Variants in STX8 observed in about 807,000 individuals in gnomAD.
STX8 encodes syntaxin 8, also known as syntaxin-8.
STX8 carries 23 observed loss-of-function variants against 37.5 expected under a neutral mutation model. The observed-to-expected ratio is 0.61, with a 90% CI of 0.44 to 0.87. STX8 has a LOEUF of 0.87. Ranked by LOEUF, STX8 falls within the 40% of genes least tolerant of loss-of-function variation. The pLI is 0.00. For synonymous variants in STX8, 115 were observed against 99.1 expected, an observed-to-expected ratio of 1.16 and a Z score of -0.95; for missense variants, 313 against 284.7, an observed-to-expected ratio of 1.10 and a Z score of -0.71.
chr17:9,386,104 CAAAAA>C (rs57683285), intron 6 of STX8, among the ~76,000 whole-genome samples: 8,728 of 118,598 alleles, frequency 0.074, 323 homozygotes, highest in East Asian at 0.12. Flanking sequence ...GCCTATTTCT[CAAAAA>C]AAAAAAAAAA....
At chr17:9,439,226 T>C (rs1649657975) in intron 6 of STX8, among the ~76,000 whole-genome samples, 1 of 152,174 alleles carries the variant, frequency 6.6e-6, no homozygotes, top group South Asian at 2.1e-4. Context: ...CAATTCTAGA[T>C]AAGGTATTCC....
intron 4 of STX8, among the ~76,000 whole-genome samples, chr17:9,521,183 C>T (rs1010851516): frequency 4.6e-5 from 7 of 152,054 alleles, no homozygotes; most frequent in African/African-American, 1.4e-4. Context: ...CTGGATTACA[C>T]GGAAGAGAGG....
At position 9,534,566 on chromosome 17, in the gene STX8, G is replaced by A. The variant is rs182582005; in HGVS notation, c.323+10606C>T. Among the ~76,000 whole-genome samples the A allele has an allele frequency of 2.4e-3, 371 of 152,208 alleles. 1 individual carries two copies. The highest frequency in any genetic ancestry group is 3.4e-3 in the Non-Finnish European group (230 of 68,014). The stretch of plus-strand genomic sequence containing the variant: ...AGCACTTTGGGAGGCCGAGCTAGGC[G>A]GATCATGAGGTCAAGAGATTGAGAC... On this transcript the variant is annotated intron_variant, in intron 4 of 7. Coordinates refer to ENST00000306357, the MANE Select transcript of STX8 (RefSeq NM_004853.3).
chr17:9,262,233 C>T (rs1907064002), intron 7 of STX8, among the ~76,000 whole-genome samples: 1 of 152,216 alleles, frequency 6.6e-6, no homozygotes, highest in Non-Finnish European at 1.5e-5. Flanking sequence ...ATCGAAACAA[C>T]ATATTCCTGG....
chr17:9,397,777 G>A (rs971258408), intron 6 of STX8, among the ~76,000 whole-genome samples: 2 of 151,992 alleles, frequency 1.3e-5, no homozygotes, highest in Admixed American at 1.3e-4. Flanking sequence ...TTCAAGACCA[G>A]CCTGGTCAAC....
intron 7 of STX8, among the ~76,000 whole-genome samples, chr17:9,254,790 C>T (rs1484288028): frequency 2.0e-5 from 3 of 152,156 alleles, no homozygotes; most frequent in Admixed American, 6.5e-5. Context: ...ACCGCCATAT[C>T]CCCCGTACCT....
chr17:9,363,020 G>A (rs920944010), intron 7 of STX8, among the ~76,000 whole-genome samples: 1 of 152,086 alleles, frequency 6.6e-6, no homozygotes, highest in African/African-American at 2.4e-5. Context: ...TGATAGGAGA[G>A]GATCAGCAAA....
intron 6 of STX8, among the ~76,000 whole-genome samples, chr17:9,461,756 T>C (rs1266107827): frequency 1.3e-5 from 2 of 151,906 alleles, no homozygotes; most frequent in Non-Finnish European, 2.9e-5. Flanking sequence ...TTATTATTAT[T>C]ATAATATATA....
intron 5 of STX8, among the ~76,000 whole-genome samples, chr17:9,499,729 A>G (rs775467079): frequency 2.0e-5 from 3 of 152,138 alleles, no homozygotes; most frequent in African/African-American, 4.8e-5. Flanking sequence ...CAAAGGTAAG[A>G]GCAGTGGAGA....
chr17:9,433,074 G>T (rs1004900175), intron 6 of STX8, among the ~76,000 whole-genome samples: 4 of 152,210 alleles, frequency 2.6e-5, no homozygotes, highest in African/African-American at 9.6e-5. Flanking sequence ...TGTGAAAATA[G>T]TTCTAGTCCT....
At chr17:9,414,737 C>T (rs967615002) in intron 6 of STX8, among the ~76,000 whole-genome samples, 6 of 150,408 alleles carry the variant, frequency 4.0e-5, no homozygotes, top group African/African-American at 1.5e-4. Flanking sequence ...TCACAAAACA[C>T]AGCTTTTGAT....
chr17:9,303,461 T>C (rs971499716), intron 7 of STX8, among the ~76,000 whole-genome samples: 1 of 152,192 alleles, frequency 6.6e-6, no homozygotes, highest in African/African-American at 2.4e-5. Flanking sequence ...AGTGTGTGTG[T>C]GTGTATGTGT....
chr17:9,537,217 G>A (rs959736737), intron 4 of STX8, among the ~76,000 whole-genome samples: 1 of 152,252 alleles, frequency 6.6e-6, no homozygotes, highest in African/African-American at 2.4e-5. Context: ...TAGCGAGGCA[G>A]AGACAAAGCT....
chr17:9,412,522 G>A (rs1295172920), intron 6 of STX8, among the ~76,000 whole-genome samples: 1 of 152,046 alleles, frequency 6.6e-6, no homozygotes, highest in Non-Finnish European at 1.5e-5. Context: ...CAGGTGATCC[G>A]CCCATCTCGG....
At chr17:9,364,157 A>T (rs1339508400) in intron 7 of STX8, among the ~76,000 whole-genome samples, 1 of 152,222 alleles carries the variant, frequency 6.6e-6, no homozygotes, top group Non-Finnish European at 1.5e-5. Flanking sequence ...ATCGCAGGGT[A>T]CAGGATAGAG....
intron 4 of STX8, among the ~76,000 whole-genome samples, chr17:9,505,711 C>T (rs1904797429): frequency 6.6e-6 from 1 of 152,064 alleles, no homozygotes; most frequent in South Asian, 2.1e-4. Context: ...GAGGCTGAGG[C>T]GGGCAGATCA....
intron 7 of STX8, among the ~76,000 whole-genome samples, chr17:9,354,183 A>G (rs1316590542): frequency 6.6e-6 from 1 of 152,206 alleles, no homozygotes; most frequent in Non-Finnish European, 1.5e-5. Flanking sequence ...CTATAGTTGA[A>G]TCATATATTT....
chr17:9,486,264 T>C (rs566691358), intron 6 of STX8, among the ~76,000 whole-genome samples: 2 of 152,156 alleles, frequency 1.3e-5, no homozygotes, highest in South Asian at 2.1e-4. Context: ...AGGGATAGGA[T>C]AGAGAAAAAG....
At chr17:9,554,117 G>C in intron 3 of STX8, 1 of 152,310 alleles carries the variant, frequency 6.6e-6, no homozygotes, top group Non-Finnish European at 1.5e-5. Flanking sequence ...AAAATTAGCC[G>C]GGCATGGTGG....
Sources: allele counts gnomAD v4.1 joint callset (sites outside exome capture counted in the v4.1 genomes callset), GRCh38; gene constraint gnomAD v4.1.1; transcripts MANE v1.5; gene names NCBI Gene and HGNC (gene_info 2026-07-23, HGNC 2026-07-21).